Variants in TBCE observed in about 807,000 individuals in gnomAD.
The protein encoded by TBCE is tubulin folding cofactor E, also known as tubulin-specific chaperone E.
Under a neutral mutation model 77.0 loss-of-function variants are expected in TBCE, and 53 were observed. The observed-to-expected ratio is 0.69, with a 90% CI of 0.55 to 0.87. The LOEUF is 0.87. Among genes scored for constraint, TBCE ranks in the 40% least tolerant of loss-of-function variants. TBCE has a pLI of 0.00. For synonymous variants in TBCE, 235 were observed against 241.3 expected, an observed-to-expected ratio of 0.97 and a Z score of 0.24; for missense variants, 624 against 622.4, an observed-to-expected ratio of 1.00 and a Z score of -0.03.
intron 7 of TBCE, among the ~76,000 whole-genome samples, chr1:235,431,662 A>G (rs1382574481): frequency 6.6e-6 from 1 of 151,194 alleles, no homozygotes; most frequent in Non-Finnish European, 1.5e-5. Flanking sequence ...TGCCCAGCCC[A>G]CTTTCATTTT....
At chr1:235,373,626 TTTTA>T (rs1677108947) in intron 1 of TBCE, among the ~76,000 whole-genome samples, 1 of 112,458 alleles carries the variant, frequency 8.9e-6, no homozygotes, top group African/African-American at 3.0e-5. Context: ...GTATTTTTAT[TTTTA>T]TTTATTTTTA....
chr1:235,383,965 G>A (rs1428003978), intron 2 of TBCE, among the ~76,000 whole-genome samples: 1 of 151,880 alleles, frequency 6.6e-6, no homozygotes, highest in Non-Finnish European at 1.5e-5. Flanking sequence ...ATCATAGATA[G>A]CTCTTATTAT....
At chr1:235,439,033 C>T in intron 13 of TBCE, 111 bp downstream of exon 13, 2 of 1,479,614 alleles carry the variant, frequency 1.4e-6, no homozygotes, top group Non-Finnish European at 1.9e-6. Context: ...TTCTTCCTTT[C>T]CTGGGCTTCT....
intron 2 of TBCE, among the ~76,000 whole-genome samples, chr1:235,400,408 C>CTTTTTTTTT (rs71174425): frequency 0.013 from 1,380 of 105,978 alleles, 72 homozygotes; most frequent in East Asian, 0.035. Context: ...TATTTTTCCT[C>CTTTTTTTTT]TTTTTTTTTT....
intron 4 of TBCE, among the ~76,000 whole-genome samples, chr1:235,417,830 G>A (rs1008960025): frequency 4.6e-5 from 7 of 152,246 alleles, no homozygotes; most frequent in Non-Finnish European, 7.4e-5. Flanking sequence ...AGGCTGGAGC[G>A]CAATGGTGTG....
At chr1:235,371,836 C>A (rs968904610) in intron 1 of TBCE, among the ~76,000 whole-genome samples, 2 of 152,098 alleles carry the variant, frequency 1.3e-5, no homozygotes, top group Admixed American at 6.6e-5. Flanking sequence ...GCATACCCAG[C>A]TAATTTTTGT....
chr1:235,369,202 T>C (rs6674228), intron 1 of TBCE, among the ~76,000 whole-genome samples: 110,530 of 151,546 alleles, frequency 0.73, 41,602 homozygotes, highest in African/African-American at 0.92. Flanking sequence ...GACTACACAT[T>C]TCACCTGGAG....
rs1235904647 is a variant in TBCE, at chr1:235,380,158, TTATTG to T, written c.100+11_100+15del. 9 of 1,555,144 alleles carry T rather than the reference TTATTG, an allele frequency of 5.8e-6. No individual in the cohort carries two copies. The highest frequency in any genetic ancestry group is 1.5e-5 in the African/African-American group (1 of 66,794). ...TGTCCCTCCCGTGGCAGGTAAGCAA[TTATTG>T]TGTGTGTGTGTGTGTGTGTGTGTGT... On this transcript the variant is annotated intron_variant, in intron 2 of 16. Transcript: ENST00000642610.
At chr1:235,402,472 T>TTTG (rs1345000840) in intron 3 of TBCE, among the ~76,000 whole-genome samples, 1 of 152,076 alleles carries the variant, frequency 6.6e-6, no homozygotes, top group Non-Finnish European at 1.5e-5. Context: ...CTTCTAAATT[T>TTTG]TTGTTGTTGT....
rs149093273 is a variant in TBCE at position 235,397,403 on chromosome 1, C to T, written c.101-4100C>T. 5.5e-3 allele frequency among the ~76,000 whole-genome samples: 841 copies of T among 152,142 alleles called. 8 individuals are homozygous for T. The highest frequency in any genetic ancestry group is 0.02 in the African/African-American group (815 of 41,530). On this transcript the variant is annotated intron_variant, in intron 2 of 16. Transcript: ENST00000642610. ...TTTTTTAGTAGAGACAGGGTTTCAC[C>T]GTGGTGCTAGCCAGGATGGTCTCGA... is the stretch of plus-strand genomic sequence containing the variant.
chr1:235,370,548 G>A (rs1676857851), intron 1 of TBCE, among the ~76,000 whole-genome samples: 1 of 144,202 alleles, frequency 6.9e-6, no homozygotes, highest in Non-Finnish European at 1.5e-5. Flanking sequence ...ACTGCACCCG[G>A]CATTTTTTTT....
At chr1:235,439,047 A>T (rs1681650621) in intron 13 of TBCE, 125 bp downstream of exon 13, 3 of 1,351,248 alleles carry the variant, frequency 2.2e-6, no homozygotes, top group Admixed American at 3.5e-5. Flanking sequence ...GGCTTCTTGT[A>T]TTCATCTGAA....
intron 2 of TBCE, among the ~76,000 whole-genome samples, chr1:235,397,921 T>C (rs1045806270): frequency 1.1e-4 from 16 of 152,172 alleles, no homozygotes; most frequent in Admixed American, 3.9e-4. Context: ...ATTAATGTAC[T>C]GGCCCCAGGG....
At chr1:235,436,773 A>C (rs967606765) in intron 11 of TBCE, among the ~76,000 whole-genome samples, 165 bp downstream of exon 11, 8 of 152,186 alleles carry the variant, frequency 5.3e-5, no homozygotes, top group Admixed American at 2.0e-4. Context: ...ATTAAGAAAG[A>C]AATTAGTTCA....
In TBCE at chr1:235,387,525, C is replaced by T. The variant is rs182431643; in HGVS notation, c.100+7376C>T. 4.9e-3 allele frequency among the ~76,000 whole-genome samples: 747 copies of T among 152,328 alleles called. 8 individuals carry two copies. The highest frequency in any genetic ancestry group is 0.016 in the African/African-American group (678 of 41,586). The stretch of plus-strand genomic sequence containing the variant: ...ATGGTGGGCACCCCTCCCCCAGCCG[C>T]GCTGCTGCCTTGCAGTTTGATCTCA... On this transcript the variant is annotated intron_variant, in intron 2 of 16. Coordinates refer to ENST00000642610, the MANE Select transcript of TBCE (RefSeq NM_003193.5).
chr1:235,379,057 T>C (rs1677462334), intron 1 of TBCE, among the ~76,000 whole-genome samples: 1 of 152,150 alleles, frequency 6.6e-6, no homozygotes, highest in Non-Finnish European at 1.5e-5. Flanking sequence ...AGGTAGCTGC[T>C]CTTCTTTTTT....
In TBCE at chr1:235,437,339, G is replaced by A. The variant is rs886046151; in HGVS notation, c.981G>A (p.Glu327=). Residue 327 remains glutamate, a synonymous_variant, in exon 12 of 17, where the codon GAG becomes GAA. Coordinates refer to ENST00000642610, the MANE Select transcript of TBCE (RefSeq NM_003193.5). ...TGTTTCAGTGGTCGTTTTTCAATGA[G>A]CTAGAGAAGTTACCAAGTCTACGGG... The part of the protein sequence containing the change: ...NQISQWSFFN[E]LEKLPSLRAL... 1.2e-6 allele frequency: 2 copies of A among 1,613,962 alleles called. No homozygotes were observed. The highest frequency in any genetic ancestry group is 1.7e-6 in the Non-Finnish European group (2 of 1,179,974).
chr1:235,413,692 G>A (rs1032540956), intron 3 of TBCE, among the ~76,000 whole-genome samples: 3 of 150,882 alleles, frequency 2.0e-5, no homozygotes, highest in South Asian at 4.2e-4. Flanking sequence ...AGTAATGATC[G>A]TAAGCTGAAA....
In TBCE at chr1:235,448,707, A is replaced by C. The variant is rs1470356820; in HGVS notation, c.1529A>C (p.Lys510Thr). The change falls in exon 17 of 17, where the codon AAG becomes ACG. Residue 510 changes from lysine (K) to threonine (T), a missense_variant. By Grantham distance (78) the Lys-to-Thr change is moderately conservative. Coordinates refer to ENST00000642610, the MANE Select transcript of TBCE (RefSeq NM_003193.5). Reference sequence around the variant, plus strand: ...GAAATCGAGCTGGAAAATGACCTAAAGTCATTACAGTTTTATTCTGTGGAA... The same window carrying C: ...GAAATCGAGCTGGAAAATGACCTAACGTCATTACAGTTTTATTCTGTGGAA... ...GREIELENDL[K>T]SLQFYSVENG... 6.2e-7 allele frequency: 1 copy of C among 1,614,118 alleles called. No individual in the cohort carries two copies. Among genetic ancestry groups the C allele is most frequent in the Admixed American group, 1.7e-5 (1 of 60,020 alleles).
Sources: allele counts gnomAD v4.1 joint callset (sites outside exome capture counted in the v4.1 genomes callset), GRCh38; gene constraint gnomAD v4.1.1; transcripts MANE v1.5; gene names NCBI Gene and HGNC (gene_info 2026-07-23, HGNC 2026-07-21).